The following UBASH3B variants were observed in gnomAD, a reference collection of about 807,000 sequenced individuals.
UBASH3B encodes the protein ubiquitin-associated and SH3 domain-containing protein B.
In UBASH3B, 37 loss-of-function variants were observed where a neutral mutation model predicts 83.4. That is an observed-to-expected ratio of 0.44 (90% CI 0.34 to 0.58). The LOEUF is 0.58. UBASH3B is among the 20% of genes least tolerant of loss of function. The probability of loss-of-function intolerance (pLI) is 0.01; values close to 1 mark genes in which losing one functional copy is unlikely to be tolerated. For synonymous variants in UBASH3B, 304 were observed against 318.3 expected, an observed-to-expected ratio of 0.96 and a Z score of 0.48; for missense variants, 657 against 827.2, an observed-to-expected ratio of 0.79 and a Z score of 2.52.
At chr11:122,698,992 G>A (rs908688610) in intron 1 of UBASH3B, among the ~76,000 whole-genome samples, 3 of 152,102 alleles carry the variant, frequency 2.0e-5, no homozygotes, top group Admixed American at 2.0e-4. Flanking sequence ...TGGGGCTGCA[G>A]GTGCCCAGCA....
intron 1 of UBASH3B, among the ~76,000 whole-genome samples, chr11:122,724,593 A>G (rs1204982575): frequency 7.2e-6 from 1 of 138,412 alleles, no homozygotes; most frequent in Non-Finnish European, 1.7e-5. Context: ...TGTGCCATGG[A>G]TGGGCTGGGC....
At chr11:122,689,339 C>T (rs1278387406) in intron 1 of UBASH3B, among the ~76,000 whole-genome samples, 2 of 152,114 alleles carry the variant, frequency 1.3e-5, no homozygotes, top group African/African-American at 2.4e-5. Flanking sequence ...ATTTCTAGTA[C>T]ATGAATATAC....
At chr11:122,774,885 T>A (rs1860706713) in intron 1 of UBASH3B, among the ~76,000 whole-genome samples, 1 of 152,114 alleles carries the variant, frequency 6.6e-6, no homozygotes, top group Non-Finnish European at 1.5e-5. Context: ...CCCAGATGTG[T>A]CTACACCCTC....
chr11:122,783,313 G>A, intron 5 of UBASH3B, 91 bp downstream of exon 5: 2 of 1,439,494 alleles, frequency 1.4e-6, no homozygotes, highest in East Asian at 2.3e-5. Context: ...GGTACCTACA[G>A]GGGAAAAATG....
rs1863854353 is a variant in UBASH3B at position 122,689,349 on chromosome 11, CTATT to C, written c.161+33142_161+33145del. ...CCTGCATTTCTAGTACATGAATATA[CTATT>C]TAATCAGTTCCCTATTTTTGGAAAA... On this transcript the variant is annotated intron_variant, in intron 1 of 13. Coordinates refer to ENST00000284273, the MANE Select transcript of UBASH3B (RefSeq NM_032873.5). Among the ~76,000 whole-genome samples the C allele has an allele frequency of 7.2e-5, 11 of 152,164 alleles. No homozygotes were observed. In the South Asian group the frequency reaches 2.3e-3, roughly 32 times the overall value.
At chr11:122,736,284 G>A (rs1056495851) in intron 1 of UBASH3B, among the ~76,000 whole-genome samples, 3 of 151,838 alleles carry the variant, frequency 2.0e-5, no homozygotes, top group African/African-American at 7.3e-5. Context: ...TTTCTTCTCA[G>A]AACTGTGTAA....
intron 1 of UBASH3B, among the ~76,000 whole-genome samples, chr11:122,662,882 G>T (rs1404851004): frequency 6.6e-6 from 1 of 151,220 alleles, no homozygotes; most frequent in African/African-American, 2.4e-5. Flanking sequence ...TAATTGCTGA[G>T]TAGACCTTCA....
intron 1 of UBASH3B, among the ~76,000 whole-genome samples, chr11:122,663,018 C>T (rs1863467001): frequency 7.0e-6 from 1 of 142,778 alleles, no homozygotes; most frequent in Non-Finnish European, 1.5e-5. Context: ...GCTCTGTTTC[C>T]CAGGCTGGAG....
At chr11:122,661,562 G>T (rs566726262) in intron 1 of UBASH3B, among the ~76,000 whole-genome samples, 113 of 152,298 alleles carry the variant, frequency 7.4e-4, no homozygotes, top group African/African-American at 2.4e-3. Flanking sequence ...TTATAGGTGG[G>T]CAGGGCAAGG....
intron 1 of UBASH3B, among the ~76,000 whole-genome samples, chr11:122,766,993 C>T (rs1351068884): frequency 6.6e-6 from 1 of 152,070 alleles, no homozygotes; most frequent in African/African-American, 2.4e-5. Context: ...TAATAGTAAT[C>T]TCTAGGCCGG....
chr11:122,709,099 T>C (rs1864160082), intron 1 of UBASH3B, among the ~76,000 whole-genome samples: 3 of 152,126 alleles, frequency 2.0e-5, no homozygotes, highest in African/African-American at 7.2e-5. Context: ...CTACAAAAAT[T>C]AGCTGGGTGT....
At position 122,703,652 on chromosome 11, in the gene UBASH3B, C is replaced by T. The variant is rs150449659; in HGVS notation, c.161+47442C>T. ...TGAATAAGTGGGATTGTCTGAGACT[C>T]GAGGGTTAAACATAAAGTTCTTGGC... is the stretch of plus-strand genomic sequence containing the variant. On this transcript the variant is annotated intron_variant, in intron 1 of 13. Transcript: ENST00000284273. Among the ~76,000 whole-genome samples the T allele has an allele frequency of 9.2e-3, 1,399 of 152,164 alleles. 7 individuals carry two copies. The highest frequency in any genetic ancestry group is 0.02 in the Middle Eastern group (6 of 294).
chr11:122,738,523 A>G (rs1454612023), intron 1 of UBASH3B, among the ~76,000 whole-genome samples: 1 of 152,186 alleles, frequency 6.6e-6, no homozygotes, highest in Non-Finnish European at 1.5e-5. Flanking sequence ...ACACAGCATG[A>G]CAACAGATGT....
chr11:122,781,087 G>C (rs913550128), intron 4 of UBASH3B, among the ~76,000 whole-genome samples: 4 of 152,096 alleles, frequency 2.6e-5, no homozygotes, highest in Non-Finnish European at 4.4e-5. Flanking sequence ...TATCACTGCA[G>C]GATCACAGTG....
chr11:122,793,991 C>CTTCA (rs1861106291), intron 6 of UBASH3B, among the ~76,000 whole-genome samples: 2 of 152,040 alleles, frequency 1.3e-5, no homozygotes, highest in African/African-American at 2.4e-5. Flanking sequence ...GAAATTACCA[C>CTTCA]GGGAAATATT....
At chr11:122,740,423 A>G (rs1861005672) in intron 1 of UBASH3B, among the ~76,000 whole-genome samples, 1 of 152,208 alleles carries the variant, frequency 6.6e-6, no homozygotes, top group South Asian at 2.1e-4. Context: ...TAAAGGGTGA[A>G]CCGTGTGTTG....
chr11:122,672,498 G>A (rs1039880719), intron 1 of UBASH3B, among the ~76,000 whole-genome samples: 2 of 151,960 alleles, frequency 1.3e-5, no homozygotes, highest in Admixed American at 1.3e-4. Context: ...GCTACTTTTT[G>A]TGTTTTTAGT....
intron 3 of UBASH3B, among the ~76,000 whole-genome samples, chr11:122,778,590 A>AT (rs138539169): frequency 0.13 from 15,521 of 117,902 alleles, 1,004 homozygotes; most frequent in African/African-American, 0.22. Flanking sequence ...GAGAACTTTG[A>AT]TTTTTTTTTT....
chr11:122,786,144 G>GTAGCT (rs1860946997), intron 5 of UBASH3B, among the ~76,000 whole-genome samples: 1 of 152,022 alleles, frequency 6.6e-6, no homozygotes, highest in Non-Finnish European at 1.5e-5. Context: ...CCGCCTCCTG[G>GTAGCT]GTTCACGCCG....
Sources: allele counts gnomAD v4.1 joint callset (sites outside exome capture counted in the v4.1 genomes callset), GRCh38; gene constraint gnomAD v4.1.1; transcripts MANE v1.5; gene names NCBI Gene and HGNC (gene_info 2026-07-23, HGNC 2026-07-21).